LOXL1: variants seen among roughly 807,000 people sequenced by gnomAD.
LOXL1 encodes the protein lysyl oxidase homolog 1.
Under a neutral mutation model 62.2 loss-of-function variants are expected in LOXL1, and 31 were observed. That is an observed-to-expected ratio of 0.50 (90% CI 0.37 to 0.67). The LOEUF is 0.67. Among genes scored for constraint, LOXL1 ranks in the 30% least tolerant of loss-of-function variants. The pLI is 0.00. For missense variants in LOXL1, 775 were observed against 843.4 expected, an observed-to-expected ratio of 0.92 and a Z score of 1.00; for synonymous variants, 403 against 384.4, an observed-to-expected ratio of 1.05 and a Z score of -0.56.
chr15:73,946,712 C>T (rs1378309095), intron 3 of LOXL1, among the ~76,000 whole-genome samples, 158 bp downstream of exon 3: 1 of 152,222 alleles, frequency 6.6e-6, no homozygotes, highest in Non-Finnish European at 1.5e-5. Context: ...TTCACTGGGG[C>T]AAGTGTTTCT....
Position 73,927,564 on chromosome 15 carries a change from C to A in LOXL1, c.781C>A (p.Pro261Thr), listed in dbSNP as rs1187454966. 2.0e-6 allele frequency: 3 copies of A among 1,484,044 alleles called. No individual in the cohort carries two copies. In the African/African-American group the frequency reaches 4.5e-5, roughly 22 times the overall value. The allele number at this position is 1,484,044 out of a possible 1,614,324, so 91.9% of individuals were successfully genotyped here. The change falls in exon 1 of 7, where the codon CCG becomes ACG. Residue 261 changes from proline (P) to threonine (T), a missense_variant. Transcript: ENST00000261921. ...CCCGGCCCCCGAGAGGCCCTACGTG[C>A]CGCCGCCGCCGCCGCCCCCCGACGG... ...FYPAPERPYV[P>T]PPPPPPDGLD...
At chr15:73,949,423 T>C (rs902823877) in intron 5 of LOXL1, 36 bp from the exon 6 acceptor site, 5 of 1,269,906 alleles carry the variant, frequency 3.9e-6, no homozygotes, top group Admixed American at 1.7e-5. Flanking sequence ...CCCCCCTGAC[T>C]AGACTCCCTT....
chr15:73,930,553 C>T lies in LOXL1; in HGVS notation c.1102+2668C>T, dbSNP rs952110986. Among the ~76,000 whole-genome samples the T allele has an allele frequency of 9.9e-5, 15 of 152,180 alleles. No homozygotes were observed. Among genetic ancestry groups the T allele is most frequent in the Admixed American group, 9.8e-4 (15 of 15,282 alleles). ...CCAGGCCTGGTGTGGGAGCCCAAGG[C>T]GGATTCTCCGAGACTGACTTCATTC... is the stretch of plus-strand genomic sequence containing the variant. On this transcript the variant is annotated intron_variant, in intron 1 of 6. Coordinates refer to ENST00000261921, the MANE Select transcript of LOXL1 (RefSeq NM_005576.4). This position sits in a 1 kb window ranked among gnomAD's most constrained non-coding sequence, Gnocchi z 4.7.
At chr15:73,934,642 C>T (rs896584125) in intron 1 of LOXL1, among the ~76,000 whole-genome samples, 8 of 152,126 alleles carry the variant, frequency 5.3e-5, no homozygotes, top group East Asian at 1.9e-4. Flanking sequence ...ATTTATTGAG[C>T]GACTTACTGT....
chr15:73,926,814 G>C lies in LOXL1; in HGVS notation c.31G>C (p.Gly11Arg). ...TCTGGCCCGAGGCAGCCGGCAGCTG[G>C]GGGCCCTGGTGTGGGGCGCCTGCCT... MALARGSRQL[G>R]ALVWGACLCV... Residue 11 changes from glycine (G) to arginine (R), a missense_variant, in exon 1 of 7, where the codon GGG (glycine) becomes CGG (arginine). Physicochemically the swap from Gly to Arg is moderately radical, Grantham distance 125. Coordinates refer to ENST00000261921, the MANE Select transcript of LOXL1 (RefSeq NM_005576.4). 1 of 1,498,112 alleles carries C rather than the reference G, an allele frequency of 6.7e-7. No homozygotes were observed. Among genetic ancestry groups the C allele is most frequent in the Non-Finnish European group, 8.9e-7 (1 of 1,122,930 alleles). 92.8% of individuals were successfully genotyped at this position (1,498,112 alleles called of 1,614,324 possible).
At chr15:73,940,717 TCAGTCTGTGACCAAGGTCAGGGTG>T (rs1595846900) in intron 1 of LOXL1, among the ~76,000 whole-genome samples, 1 of 152,194 alleles carries the variant, frequency 6.6e-6, no homozygotes. Flanking sequence ...GGGTCAGAGG[TCAGTCTGTGACCAAGGTCAGGGTG>T]CAGACTGTGA....
chr15:73,926,991 G>A lies in LOXL1; in HGVS notation c.208G>A (p.Glu70Lys). 1 of 1,488,504 alleles carries A rather than the reference G, an allele frequency of 6.7e-7. No individual in the cohort carries two copies. The highest frequency in any genetic ancestry group is 1.3e-5 in the South Asian group (1 of 78,488). 92.2% of individuals were successfully genotyped at this position (1,488,504 alleles called of 1,614,324 possible). A position where few individuals can be genotyped will look rare whatever the true frequency, so the allele number is the denominator to read the frequency against. The change falls in exon 1 of 7, where the codon GAG becomes AAG. Residue 70 changes from glutamate (E) to lysine (K), a missense_variant. Physicochemically the swap from Glu to Lys is moderately conservative, Grantham distance 56. Transcript: ENST00000261921. ...EYVPAGPQRSESSSRVLLAGA... is the reference protein window; with the variant it reads ...EYVPAGPQRSKSSSRVLLAGA... ...CGTGCCGGCCGGACCTCAGCGCTCCGAGAGTAGCTCCCGGGTGCTGCTGGC... is the reference window on the plus strand; with the variant it reads ...CGTGCCGGCCGGACCTCAGCGCTCCAAGAGTAGCTCCCGGGTGCTGCTGGC...
chr15:73,936,242 C>T (rs2068671424), intron 1 of LOXL1, among the ~76,000 whole-genome samples: 1 of 152,056 alleles, frequency 6.6e-6, no homozygotes, highest in Non-Finnish European at 1.5e-5. Flanking sequence ...TGGGTTACAT[C>T]TTCATTATGG....
intron 1 of LOXL1, among the ~76,000 whole-genome samples, chr15:73,929,832 A>C (rs995110785): frequency 6.6e-6 from 1 of 152,232 alleles, no homozygotes; most frequent in Non-Finnish European, 1.5e-5. Context: ...CTCTGGGCAG[A>C]GAAAACTGAG....
chr15:73,927,588 G>A lies in LOXL1; in HGVS notation c.805G>A (p.Gly269Ser). ...YVPPPPPPPD[G>S]LDRRYSHSLY... ...GCCGCCGCCGCCGCCGCCCCCCGAC[G>A]GCCTGGACCGCCGCTACTCGCACAG... Residue 269 changes from glycine to serine, a missense_variant, in exon 1 of 7, where the codon GGC becomes AGC. By Grantham distance (56) the Gly-to-Ser change is moderately conservative (BLOSUM62 0). Coordinates refer to ENST00000261921, the MANE Select transcript of LOXL1 (RefSeq NM_005576.4). The A allele has an allele frequency of 6.7e-7, 1 of 1,501,894 alleles. No individual in the cohort carries two copies. Among genetic ancestry groups the A allele is most frequent in the East Asian group, 2.8e-5 (1 of 36,294 alleles). The allele number at this position is 1,501,894 out of a possible 1,614,324, so 93.0% of individuals were successfully genotyped here. A position where few individuals can be genotyped will look rare whatever the true frequency, so the allele number is the denominator to read the frequency against.
rs780771755 is a variant in LOXL1, at chr15:73,947,851, CT to C, written c.1552del (p.Cys518AlafsTer6). On this transcript the variant is annotated frameshift_variant, in exon 5 of 7. Transcript: ENST00000261921. LOFTEE classifies it high-confidence loss of function. ...CYDTYNADID[C>X]QWIDITDVQP... ...ATGACACCTACAATGCGGACATCGACTGCCAGTGGATCGACATAACCGACGT... is the reference window on the plus strand; with the variant it reads ...ATGACACCTACAATGCGGACATCGACGCCAGTGGATCGACATAACCGACGT... 1 of 1,614,032 alleles carries C rather than the reference CT, an allele frequency of 6.2e-7. No homozygotes were observed. The highest frequency in any genetic ancestry group is 8.5e-7 in the Non-Finnish European group (1 of 1,179,892).
chr15:73,928,969 A>G (rs1271743761), intron 1 of LOXL1, among the ~76,000 whole-genome samples: 5 of 151,666 alleles, frequency 3.3e-5, no homozygotes, highest in African/African-American at 1.2e-4. Context: ...CTGGCTTTTC[A>G]GGGGGTGAAC....
chr15:73,926,718 G>C lies in LOXL1; in HGVS notation c.-66G>C. On this transcript the variant is annotated 5_prime_UTR_variant, in exon 1 of 7. Transcript: ENST00000261921. ...TCCTGTCCTCGAGGCCGTGGGAAGA[G>C]AAGCACGCCCAGGGGGCCACTCCTG... 7.4e-7 allele frequency: 1 copy of C among 1,356,114 alleles called. No homozygotes were observed. Among genetic ancestry groups the C allele is most frequent in the African/African-American group, 1.5e-5 (1 of 65,346 alleles). 84.0% of individuals were successfully genotyped at this position (1,356,114 alleles called of 1,614,324 possible).
intron 6 of LOXL1, among the ~76,000 whole-genome samples, chr15:73,949,813 C>G (rs2068772111): frequency 6.6e-6 from 1 of 152,138 alleles, no homozygotes; most frequent in South Asian, 2.1e-4. Flanking sequence ...CTGAGATGTC[C>G]CAAGTGAAAA....
chr15:73,944,001 A>C (rs2068731959), intron 2 of LOXL1, among the ~76,000 whole-genome samples: 1 of 152,198 alleles, frequency 6.6e-6, no homozygotes, highest in African/African-American at 2.4e-5. Flanking sequence ...AAAAAGAAAA[A>C]GTATCCGCTG....
chr15:73,930,171 G>T lies in LOXL1; in HGVS notation c.1102+2286G>T, dbSNP rs2068625827. The stretch of plus-strand genomic sequence containing the variant: ...GCAGTCTACCAGGAGGGGCATCTCA[G>T]TGCTGTGATTAGGCAAGCATTGGTG... On this transcript the variant is annotated intron_variant, in intron 1 of 6. Coordinates refer to ENST00000261921, the MANE Select transcript of LOXL1 (RefSeq NM_005576.4). The surrounding 1 kb of genome is among the most constrained non-coding windows in gnomAD (Gnocchi z 4.7). 2.0e-5 allele frequency among the ~76,000 whole-genome samples: 3 copies of T among 152,234 alleles called. No homozygotes were observed. The highest frequency in any genetic ancestry group is 2.0e-4 in the Admixed American group (3 of 15,290).
chr15:73,927,617 G>T lies in LOXL1; in HGVS notation c.834G>T (p.Leu278=). The change falls in exon 1 of 7, where the codon CTG becomes CTT. Residue 278 remains leucine, a synonymous_variant. Coordinates refer to ENST00000261921, the MANE Select transcript of LOXL1 (RefSeq NM_005576.4). ...TGGACCGCCGCTACTCGCACAGTCT[G>T]TACAGCGAGGGCACCCCCGGCTTCG... ...DGLDRRYSHS[L]YSEGTPGFEQ... 6.7e-7 allele frequency: 1 copy of T among 1,492,040 alleles called. No homozygotes were observed. The highest frequency in any genetic ancestry group is 8.9e-7 in the Non-Finnish European group (1 of 1,127,476). 92.4% of individuals were successfully genotyped at this position (1,492,040 alleles called of 1,614,324 possible). A position where few individuals can be genotyped will look rare whatever the true frequency, so the allele number is the denominator to read the frequency against.
chr15:73,937,179 C>T (rs2068679938), intron 1 of LOXL1, among the ~76,000 whole-genome samples: 1 of 152,310 alleles, frequency 6.6e-6, no homozygotes, highest in South Asian at 2.1e-4. Flanking sequence ...ACTCCAGACC[C>T]AGCATTGAGC....
At chr15:73,935,880 C>T (rs895317735) in intron 1 of LOXL1, among the ~76,000 whole-genome samples, 1 of 149,874 alleles carries the variant, frequency 6.7e-6, no homozygotes, top group African/African-American at 2.5e-5. Context: ...GTGTTCAGGA[C>T]TGACAGGGTG....
Sources: gnomAD v4.1 joint callset for allele counts (sites outside exome capture counted in the v4.1 genomes callset) on GRCh38, gnomAD v4.1.1 for gene constraint, Gnocchi (gnomAD v3.1) non-coding constraint, MANE v1.5 for transcripts, NCBI Gene and HGNC (gene_info 2026-07-23, HGNC 2026-07-21) for gene names.